The following NUFIP2 variants were observed in gnomAD, a reference collection of about 807,000 sequenced individuals.
NUFIP2 encodes nuclear FMR1 interacting protein 2.
Under a neutral mutation model 56.9 loss-of-function variants are expected in NUFIP2, and 6 were observed. The observed-to-expected ratio is 0.11, with a 90% CI of 0.06 to 0.21. The LOEUF (loss-of-function observed/expected upper bound fraction) is 0.21. NUFIP2 is among the 10% of genes least tolerant of loss of function. The probability of loss-of-function intolerance (pLI) is 1.00; values close to 1 mark genes in which losing one functional copy is unlikely to be tolerated. For synonymous variants in NUFIP2, 321 were observed against 298.2 expected (o/e 1.08, Z -0.79); for missense variants, 828 against 826.8 (o/e 1.00, Z -0.02).
chr17:29,275,723 T>C (rs886907493), intron 2 of NUFIP2, among the ~76,000 whole-genome samples: 5 of 152,064 alleles, frequency 3.3e-5, no homozygotes, highest in Non-Finnish European at 7.4e-5. Context: ...ACCATTCTTT[T>C]CCTTTAAAAA....
chr17:29,278,646 A>G (rs2069122780), intron 2 of NUFIP2, among the ~76,000 whole-genome samples: 1 of 141,992 alleles, frequency 7.0e-6, no homozygotes, highest in Admixed American at 7.0e-5. Flanking sequence ...TGATAGTAAT[A>G]AACAATTTCT....
At chr17:29,282,223 G>A (rs995337662) in intron 2 of NUFIP2, among the ~76,000 whole-genome samples, 1 of 152,064 alleles carries the variant, frequency 6.6e-6, no homozygotes, top group Non-Finnish European at 1.5e-5. Flanking sequence ...CTGCCGCCAT[G>A]CACTTGGACT....
At chr17:29,291,314 AT>A (rs772282661) in intron 1 of NUFIP2, among the ~76,000 whole-genome samples, 2 of 152,066 alleles carry the variant, frequency 1.3e-5, no homozygotes, top group African/African-American at 2.4e-5. Flanking sequence ...TACTCAACAC[AT>A]TTGGCCTTCT....
Position 29,267,529 on chromosome 17 carries a change from T to C in NUFIP2, c.2004A>G (p.Glu668=). Reference sequence around the variant, plus strand: ...TCTGCAAATTCCAAATAGATTCCATTTCTGCAAAGAAAAAAAGAGAATTAC... The same window carrying C: ...TCTGCAAATTCCAAATAGATTCCATCTCTGCAAAGAAAAAAAGAGAATTAC... ...LRAAIVYHTK[E]MESIWNLQKQ... is the part of the protein sequence containing the mutation. Residue 668 remains glutamate (E), a splice_region_variant and synonymous_variant, in exon 3 of 4, where the codon GAA becomes GAG. Transcript: ENST00000225388. 1 of 1,533,532 alleles carries C rather than the reference T, an allele frequency of 6.5e-7. No individual in the cohort carries two copies. The highest frequency in any genetic ancestry group is 8.9e-7 in the Non-Finnish European group (1 of 1,120,078). The allele number at this position is 1,533,532 out of a possible 1,614,324, so 95.0% of individuals were successfully genotyped here.
At position 29,294,093 on chromosome 17, in the gene NUFIP2, G is replaced by C. The variant is rs202071419; in HGVS notation, c.-34C>G. ...GCTGGGACTCCCTGGCTGAGGCTGC[G>C]GGCTGCTGCACCGTCAGGATCTGAG... On this transcript the variant is annotated 5_prime_UTR_variant, in exon 1 of 4. Coordinates refer to ENST00000225388, the MANE Select transcript of NUFIP2 (RefSeq NM_020772.3). 2.6e-6 allele frequency: 4 copies of C among 1,567,680 alleles called. No homozygotes were observed. Among genetic ancestry groups the C allele is most frequent in the Middle Eastern group, 1.9e-4 (1 of 5,402 alleles).
chr17:29,279,155 T>TA (rs2069125720), intron 2 of NUFIP2, among the ~76,000 whole-genome samples: 1 of 152,176 alleles, frequency 6.6e-6, no homozygotes, highest in South Asian at 2.1e-4. Context: ...TGAAAATACT[T>TA]ATTCACATTG....
rs192614172 is a variant in NUFIP2 at position 29,286,033 on chromosome 17, C to T, written c.1961G>A (p.Gly654Asp). 11 of 1,613,934 alleles carry T rather than the reference C, an allele frequency of 6.8e-6. No individual in the cohort carries two copies. The highest frequency in any genetic ancestry group is 1.3e-5 in the African/African-American group (1 of 75,038). Residue 654 changes from glycine (G) to aspartate (D), a missense_variant, in exon 2 of 4, where the codon GGT (glycine) becomes GAT (aspartate). By Grantham distance (94) the Gly-to-Asp change is moderately conservative. Transcript: ENST00000225388. Reference sequence around the variant, plus strand: ...AATAGCAGCCCTCAGGTCAAAAGAACCCCAGCTATCATTCCTTTCTAGGCC... The same window carrying T: ...AATAGCAGCCCTCAGGTCAAAAGAATCCCAGCTATCATTCCTTTCTAGGCC... ...QRGLERNDSW[G>D]SFDLRAAIVY...
At chr17:29,293,197 G>A (rs1357857323) in intron 1 of NUFIP2, among the ~76,000 whole-genome samples, 1 of 151,650 alleles carries the variant, frequency 6.6e-6, no homozygotes, top group East Asian at 2.0e-4. Context: ...AGGGCGTTTA[G>A]TGGTGGAAAT....
At chr17:29,282,230 G>T (rs1210596062) in intron 2 of NUFIP2, among the ~76,000 whole-genome samples, 1 of 151,824 alleles carries the variant, frequency 6.6e-6, no homozygotes, top group African/African-American at 2.4e-5. Context: ...CATGCACTTG[G>T]ACTTCCCAGC....
intron 1 of NUFIP2, among the ~76,000 whole-genome samples, 155 bp from the exon 2 acceptor site, chr17:29,287,871 G>GCC (rs924610286): frequency 6.6e-6 from 1 of 152,150 alleles, no homozygotes; most frequent in African/African-American, 2.4e-5. Context: ...ACACCTGTCA[G>GCC]CCCCATTTTA....
intron 2 of NUFIP2, among the ~76,000 whole-genome samples, chr17:29,279,921 C>A (rs985330802): frequency 6.6e-6 from 1 of 152,120 alleles, no homozygotes; most frequent in African/African-American, 2.4e-5. Context: ...CAGATTCAAG[C>A]GATTCTCCCA....
chr17:29,264,176 G>A lies in NUFIP2; in HGVS notation c.*363C>T, dbSNP rs1407599443. On this transcript the variant is annotated 3_prime_UTR_variant, in exon 4 of 4. Coordinates refer to ENST00000225388, the MANE Select transcript of NUFIP2 (RefSeq NM_020772.3). ...TTCCAGTGGGTCATTTGTTGCCCAA[G>A]TTGATGACAGCAGGAACTTTAGAAC... 6.6e-6 allele frequency: 1 copy of A among 152,644 alleles called. No individual in the cohort carries two copies. The highest frequency in any genetic ancestry group is 1.9e-4 in the East Asian group (1 of 5,208). The allele number at this position is 152,644 out of a possible 1,614,324, so 9.5% of individuals were successfully genotyped here.
chr17:29,266,861 G>T (rs1030213379), intron 3 of NUFIP2, among the ~76,000 whole-genome samples: 1 of 151,678 alleles, frequency 6.6e-6, no homozygotes, highest in African/African-American at 2.4e-5. Flanking sequence ...TGGTATGGTA[G>T]TGTCTTTTTG....
At position 29,261,665 on chromosome 17, in the gene NUFIP2, G is replaced by C. The variant is rs1364152762; in HGVS notation, c.*2874C>G. On this transcript the variant is annotated 3_prime_UTR_variant, in exon 4 of 4. Transcript: ENST00000225388. ...TTTTTTTTAATAAGTGCTCTGTAAGGAATTGTGTGAGGACCTAAGGAGAAA... is the reference window on the plus strand; with the variant it reads ...TTTTTTTTAATAAGTGCTCTGTAAGCAATTGTGTGAGGACCTAAGGAGAAA... The C allele has an allele frequency of 6.6e-6, 1 of 152,426 alleles. No homozygotes were observed. Among genetic ancestry groups the C allele is most frequent in the Non-Finnish European group, 1.5e-5 (1 of 67,978 alleles). 9.4% of individuals were successfully genotyped at this position (152,426 alleles called of 1,614,324 possible).
At chr17:29,276,375 G>A (rs964515979) in intron 2 of NUFIP2, among the ~76,000 whole-genome samples, 4 of 151,938 alleles carry the variant, frequency 2.6e-5, no homozygotes, top group African/African-American at 9.7e-5. Flanking sequence ...CCATCTTAGG[G>A]GTTCCAATTA....
rs370435600 is a variant in NUFIP2 at position 29,287,223 on chromosome 17, T to C, written c.771A>G (p.Gly257=). The C allele has an allele frequency of 4.3e-6, 7 of 1,614,072 alleles. No homozygotes were observed. Among genetic ancestry groups the C allele is most frequent in the Admixed American group, 1.7e-5 (1 of 60,000 alleles). ...QETSVPTLKQ[G]LETFKPDYSE... ...TATAGTCAGGCTTGAAAGTTTCAAG[T>C]CCCTGTTTTAAGGTTGGGACACTGG... Residue 257 remains glycine, a synonymous_variant, in exon 2 of 4, where the codon GGA becomes GGG. Coordinates refer to ENST00000225388, the MANE Select transcript of NUFIP2 (RefSeq NM_020772.3).
Position 29,276,738 on chromosome 17 carries a change from A to T in NUFIP2, c.2003-9208T>A, listed in dbSNP as rs182543186. 1.4e-4 allele frequency among the ~76,000 whole-genome samples: 22 copies of T among 152,280 alleles called. No homozygotes were observed. The East Asian group carries it at 4.2e-3, about 29-fold the overall frequency. On this transcript the variant is annotated intron_variant, in intron 2 of 3. Transcript: ENST00000225388. ...CATCTATTTATCACTACTGCTTCTCACAGGGCTTGGTGCAGTAAGTAGATA... is the reference window on the plus strand; with the variant it reads ...CATCTATTTATCACTACTGCTTCTCTCAGGGCTTGGTGCAGTAAGTAGATA...
At chr17:29,265,466 C>G (rs1482487455) in intron 3 of NUFIP2, among the ~76,000 whole-genome samples, 3 of 147,106 alleles carry the variant, frequency 2.0e-5, no homozygotes, top group Non-Finnish European at 3.0e-5. Flanking sequence ...CCACGCCCGG[C>G]TAATTTTTTG....
intron 3 of NUFIP2, among the ~76,000 whole-genome samples, chr17:29,266,502 CTTACA>C (rs1421875565): frequency 6.6e-6 from 1 of 151,872 alleles, no homozygotes; most frequent in Non-Finnish European, 1.5e-5. Context: ...CTGAAATTCA[CTTACA>C]TTAATTAGCA....
Sources: gnomAD v4.1 joint callset for allele counts (sites outside exome capture counted in the v4.1 genomes callset) on GRCh38, gnomAD v4.1.1 for gene constraint, MANE v1.5 for transcripts, NCBI Gene and HGNC (gene_info 2026-07-23, HGNC 2026-07-21) for gene names.